AFDN: variants seen among roughly 807,000 people sequenced by gnomAD.
The protein encoded by AFDN is afadin.
Under a neutral mutation model 216.6 loss-of-function variants are expected in AFDN, and 68 were observed. The observed-to-expected ratio is 0.31, with a 90% CI of 0.26 to 0.38. The LOEUF (loss-of-function observed/expected upper bound fraction) is 0.38. AFDN is among the 10% of genes least tolerant of loss of function. The pLI, the probability that AFDN is intolerant of heterozygous loss-of-function variation, is 1.00. For synonymous variants in AFDN, 868 were observed against 853.7 expected (o/e 1.02, Z -0.29); for missense variants, 2,136 against 2,342.0 (o/e 0.91, Z 1.82).
At chr6:167,843,741 G>A (rs1219836413) in intron 1 of AFDN, among the ~76,000 whole-genome samples, 1 of 152,298 alleles carries the variant, frequency 6.6e-6, no homozygotes, top group Non-Finnish European at 1.5e-5. Flanking sequence ...GTAGCTCATT[G>A]CAGATATTCA....
intron 23 of AFDN, among the ~76,000 whole-genome samples, chr6:167,938,703 G>T (rs1159814712): frequency 1.3e-5 from 2 of 152,128 alleles, no homozygotes; most frequent in Non-Finnish European, 1.5e-5. Context: ...TGTTCAGCTT[G>T]CACGTTGGCT....
intron 24 of AFDN, 92 bp from the exon 25 acceptor site, chr6:167,943,310 A>C: frequency 7.0e-7 from 1 of 1,438,126 alleles, no homozygotes; most frequent in Non-Finnish European, 9.8e-7. Context: ...TTGGAAGAAC[A>C]AATAGAGTAT....
intron 13 of AFDN, among the ~76,000 whole-genome samples, chr6:167,909,158 A>G (rs1790080147): frequency 1.3e-5 from 2 of 152,098 alleles, no homozygotes; most frequent in Non-Finnish European, 2.9e-5. Context: ...AAAATAATTG[A>G]TCATTTAAAT....
In AFDN at chr6:167,827,248, C is replaced by A. The variant is rs1779191377; in HGVS notation, c.105+11C>A. ...AGCCAGCCGACCGAGGTGAGCACCGCCGGGCGCGGGGCCTGCGCGACCCCC... is the reference window on the plus strand; with the variant it reads ...AGCCAGCCGACCGAGGTGAGCACCGACGGGCGCGGGGCCTGCGCGACCCCC... On this transcript the variant is annotated intron_variant, in intron 1 of 33. Coordinates refer to ENST00000683244, the MANE Select transcript of AFDN (RefSeq NM_001386888.1). The A allele has an allele frequency of 3.5e-6, 4 of 1,128,274 alleles. No homozygotes were observed. The highest frequency in any genetic ancestry group is 4.5e-6 in the Non-Finnish European group (4 of 895,532). 69.9% of individuals were successfully genotyped at this position (1,128,274 alleles called of 1,614,324 possible). A position where few individuals can be genotyped will look rare whatever the true frequency, so the allele number is the denominator to read the frequency against.
At chr6:167,874,702 G>C (rs940101568) in intron 4 of AFDN, among the ~76,000 whole-genome samples, 1 of 143,208 alleles carries the variant, frequency 7.0e-6, no homozygotes. Flanking sequence ...TGCAACCTCC[G>C]CCTCCTGAGT....
chr6:167,963,406 C>A (rs1369759497), intron 31 of AFDN: 36 of 1,055,618 alleles, frequency 3.4e-5, no homozygotes, highest in Non-Finnish European at 4.1e-5. Flanking sequence ...GTTACAACTT[C>A]TGATGGCGGA....
At chr6:167,845,224 T>C (rs1781527833) in intron 1 of AFDN, among the ~76,000 whole-genome samples, 1 of 152,222 alleles carries the variant, frequency 6.6e-6, no homozygotes, top group Non-Finnish European at 1.5e-5. Flanking sequence ...TGCCTGTTTT[T>C]CTGTCAAGAA....
chr6:167,830,091 G>GA (rs919361011), intron 1 of AFDN, among the ~76,000 whole-genome samples: 2 of 152,170 alleles, frequency 1.3e-5, no homozygotes, highest in Admixed American at 1.3e-4. Context: ...TGATTACTAT[G>GA]AAAAGCTGTA....
At chr6:167,835,817 C>G (rs1427056283) in intron 1 of AFDN, among the ~76,000 whole-genome samples, 1 of 151,994 alleles carries the variant, frequency 6.6e-6, no homozygotes, top group Admixed American at 6.6e-5. Context: ...CTCAGAGAAC[C>G]TTGGGGGTTC....
rs115450568 is a variant in AFDN at position 167,958,380 on chromosome 6, C to T, written c.4834-4053C>T. 2.0e-3 allele frequency among the ~76,000 whole-genome samples: 301 copies of T among 152,268 alleles called. 1 individual carries two copies. The highest frequency in any genetic ancestry group is 0.01 in the Middle Eastern group (3 of 294). On this transcript the variant is annotated intron_variant, in intron 30 of 33. Coordinates refer to ENST00000683244, the MANE Select transcript of AFDN (RefSeq NM_001386888.1). The stretch of plus-strand genomic sequence containing the variant: ...GATCAGGTGAGAGTGAAGGTTTTAA[C>T]GAGAGTTTTCTGAATTCATATTACG...
At chr6:167,837,082 A>G (rs1383942950) in intron 1 of AFDN, among the ~76,000 whole-genome samples, 1 of 152,204 alleles carries the variant, frequency 6.6e-6, no homozygotes, top group African/African-American at 2.4e-5. Context: ...ATATTTTATT[A>G]CCTTCATGAC....
intron 15 of AFDN, among the ~76,000 whole-genome samples, chr6:167,912,853 A>C (rs1362740697): frequency 6.6e-6 from 1 of 152,194 alleles, no homozygotes; most frequent in Non-Finnish European, 1.5e-5. Flanking sequence ...GTAGTGAATA[A>C]TTTAAATTCT....
rs1168185560 is a variant in AFDN at position 167,911,139 on chromosome 6, C to T, written c.1808C>T (p.Ala603Val). ...DASGPELILP[A>V]SIEFRESSED... Reference sequence around the variant, plus strand: ...TCTGGGCCTGAGCTGATACTACCTGCAAGCATTGAATTCAGGGAAAGTTGT... The same window carrying T: ...TCTGGGCCTGAGCTGATACTACCTGTAAGCATTGAATTCAGGGAAAGTTGT... Residue 603 changes from alanine (A) to valine (V), a missense_variant, in exon 14 of 34, where the codon GCA becomes GTA. Ala to Val is a moderately conservative substitution (Grantham distance 64). This residue lies in a region of AFDN where 817 missense variants were observed against 965.7 expected (regional missense o/e 0.85). Transcript: ENST00000683244. 4.3e-6 allele frequency: 7 copies of T among 1,613,770 alleles called. No homozygotes were observed. Among genetic ancestry groups the T allele is most frequent in the Non-Finnish European group, 5.9e-6 (7 of 1,179,902 alleles).
chr6:167,831,018 T>C (rs1378794363), intron 1 of AFDN, among the ~76,000 whole-genome samples: 1 of 141,904 alleles, frequency 7.0e-6, no homozygotes, highest in East Asian at 2.5e-4. Context: ...CTCAGCTCAT[T>C]ACAACCTCTA....
At chr6:167,849,573 C>T (rs1297982948) in intron 1 of AFDN, among the ~76,000 whole-genome samples, 1 of 152,122 alleles carries the variant, frequency 6.6e-6, no homozygotes, top group Non-Finnish European at 1.5e-5. Context: ...GTATCCCTGT[C>T]TTTGAGTTCA....
At chr6:167,959,197 C>T (rs1796809191) in intron 30 of AFDN, among the ~76,000 whole-genome samples, 1 of 152,206 alleles carries the variant, frequency 6.6e-6, no homozygotes, top group South Asian at 2.1e-4. Context: ...GATCTTACAA[C>T]TTCTAATAAA....
At chr6:167,835,271 A>C (rs887706109) in intron 1 of AFDN, among the ~76,000 whole-genome samples, 4 of 152,240 alleles carry the variant, frequency 2.6e-5, no homozygotes, top group Non-Finnish European at 2.9e-5. Context: ...TATTATTGAC[A>C]TCACTGTCAT....
At chr6:167,840,860 C>G (rs926002174) in intron 1 of AFDN, among the ~76,000 whole-genome samples, 2 of 152,002 alleles carry the variant, frequency 1.3e-5, no homozygotes, top group African/African-American at 4.8e-5. Context: ...CCCTGGCAGC[C>G]GAGTCTGTGG....
intron 26 of AFDN, 43 bp downstream of exon 26, chr6:167,944,102 C>A: frequency 6.8e-7 from 1 of 1,466,106 alleles, no homozygotes; most frequent in Non-Finnish European, 9.5e-7. Context: ...CAGTCATGGC[C>A]TCTTTGAATG....
Sources: gnomAD v4.1 joint callset for allele counts (sites outside exome capture counted in the v4.1 genomes callset) on GRCh38, gnomAD v4.1.1 for gene constraint, gnomAD v4.1.1 regional missense constraint, MANE v1.5 for transcripts, NCBI Gene and HGNC (gene_info 2026-07-23, HGNC 2026-07-21) for gene names.